Variants in FAM185A observed in about 807,000 individuals in gnomAD.
FAM185A encodes protein FAM185A.
In FAM185A, 21 loss-of-function variants were observed where a neutral mutation model predicts 45.7. That is an observed-to-expected ratio of 0.46 (90% confidence interval 0.33 to 0.66). The LOEUF (loss-of-function observed/expected upper bound fraction) is 0.66. Ranked by LOEUF, FAM185A falls within the 30% of genes least tolerant of loss-of-function variation. FAM185A has a pLI of 0.03. For synonymous variants in FAM185A, 117 were observed against 194.0 expected (o/e 0.60, Z 3.30); for missense variants, 305 against 485.4 (o/e 0.63, Z 3.49).
the FAM185A span, chr7:102,832,785 T>C: frequency 1.2e-6 from 2 of 1,605,848 alleles, no homozygotes; most frequent in Non-Finnish European, 1.7e-6. Flanking sequence ...TGTCCTGCCT[T>C]GTCCCTTGGC....
chr7:102,757,201 A>C (rs1041092164), intron 2 of FAM185A, among the ~76,000 whole-genome samples: 13 of 150,798 alleles, frequency 8.6e-5, no homozygotes, highest in African/African-American at 3.2e-4. Context: ...TAGAAGGTTT[A>C]AGTGGGCTGT....
chr7:102,757,685 A>AT (rs941611787), intron 2 of FAM185A, among the ~76,000 whole-genome samples, 169 bp from the exon 3 acceptor site: 12 of 152,040 alleles, frequency 7.9e-5, no homozygotes, highest in African/African-American at 2.2e-4. Flanking sequence ...AGCAGTTGAC[A>AT]TTTTTTTCCA....
intron 7 of FAM185A, among the ~76,000 whole-genome samples, chr7:102,794,002 T>C (rs1382814774): frequency 2.3e-5 from 3 of 130,884 alleles, no homozygotes; most frequent in African/African-American, 9.0e-5. Flanking sequence ...ATCGTGCCAC[T>C]GGACTCCAGC....
intron 3 of FAM185A, among the ~76,000 whole-genome samples, chr7:102,758,334 G>A (rs1254311813): frequency 4.7e-5 from 7 of 149,264 alleles, no homozygotes; most frequent in Non-Finnish European, 1.0e-4. Context: ...TTTTTACTTC[G>A]CCCTTAGGCA....
rs183131703 is a variant in FAM185A, at chr7:102,787,729, C to A, written c.1066+260C>A. ...TTGATTTTTAAATTTTCTAGAAGAG[C>A]TGTTTTCTAATTCTCGAACTTAAAA... is the stretch of plus-strand genomic sequence containing the variant. On this transcript the variant is annotated intron_variant, in intron 7 of 7. Transcript: ENST00000413034. Among the ~76,000 whole-genome samples, 349 of 152,288 alleles carry A rather than the reference C, an allele frequency of 2.3e-3. 2 individuals are homozygous for A. Among genetic ancestry groups the A allele is most frequent in the African/African-American group, 7.7e-3 (321 of 41,554 alleles).
At chr7:102,767,373 A>G (rs1030094317) in intron 4 of FAM185A, among the ~76,000 whole-genome samples, 4 of 151,356 alleles carry the variant, frequency 2.6e-5, no homozygotes, top group African/African-American at 7.3e-5. Flanking sequence ...CTGCCCATAG[A>G]TCTTTGGACA....
the FAM185A span, among the ~76,000 whole-genome samples, chr7:102,830,979 C>A: frequency 6.6e-6 from 1 of 152,094 alleles, no homozygotes; most frequent in East Asian, 1.9e-4. Context: ...AAAAACTAAT[C>A]GGAAGGTCAG....
At chr7:102,828,222 A>G in the FAM185A span, among the ~76,000 whole-genome samples, 20 of 152,094 alleles carry the variant, frequency 1.3e-4, no homozygotes, top group African/African-American at 4.6e-4. Context: ...TGAGCATGGA[A>G]TGTTCTTCCA....
At position 102,751,769 on chromosome 7, in the gene FAM185A, G is replaced by C. The variant is rs1320821846; in HGVS notation, c.529G>C (p.Glu177Gln). 3 of 1,551,474 alleles carry C rather than the reference G, an allele frequency of 1.9e-6. No homozygotes were observed. The highest frequency in any genetic ancestry group is 1.2e-5 in the South Asian group (1 of 84,008). ...GGGTGATAATTGCAAAATTGAAACAGAGCATGGGACTAGTATCTTGCAGTC... is the reference window on the plus strand; with the variant it reads ...GGGTGATAATTGCAAAATTGAAACACAGCATGGGACTAGTATCTTGCAGTC... ...IEGDNCKIET[E>Q]HGTSILQSVK... Residue 177 changes from glutamate to glutamine, a missense_variant, in exon 2 of 8, where the codon GAG becomes CAG. Transcript: ENST00000413034.
the FAM185A span, among the ~76,000 whole-genome samples, chr7:102,825,619 C>T: frequency 1.3e-5 from 2 of 152,322 alleles, no homozygotes; most frequent in East Asian, 3.9e-4. Flanking sequence ...CGAATTTTCA[C>T]ATTGCTTCAC....
chr7:102,793,042 A>G (rs1339440533), intron 7 of FAM185A, among the ~76,000 whole-genome samples: 1 of 152,252 alleles, frequency 6.6e-6, no homozygotes. Context: ...AGCTTAGAGC[A>G]CATGAATTTG....
chr7:102,795,274 T>C (rs1450961047), intron 7 of FAM185A, among the ~76,000 whole-genome samples: 1 of 152,236 alleles, frequency 6.6e-6, no homozygotes, highest in Non-Finnish European at 1.5e-5. Context: ...TTAGGGGAAC[T>C]GAGTGATGGG....
At chr7:102,828,455 G>T in the FAM185A span, among the ~76,000 whole-genome samples, 1 of 152,148 alleles carries the variant, frequency 6.6e-6, no homozygotes. Flanking sequence ...TTAGCCAGCT[G>T]CACTAAGAAA....
the FAM185A span, among the ~76,000 whole-genome samples, chr7:102,830,753 CA>C: frequency 6.6e-6 from 1 of 152,116 alleles, no homozygotes; most frequent in African/African-American, 2.4e-5. Context: ...CTGTAGTAAA[CA>C]AAAGCCTTCA....
At chr7:102,836,725 A>G in the FAM185A span, among the ~76,000 whole-genome samples, 3 of 152,218 alleles carry the variant, frequency 2.0e-5, no homozygotes, top group Middle Eastern at 3.2e-3. Context: ...GTCACAGTGT[A>G]GGCACTTAAT....
chr7:102,775,514 G>A (rs1196646678), intron 5 of FAM185A, among the ~76,000 whole-genome samples: 2 of 152,100 alleles, frequency 1.3e-5, no homozygotes, highest in Non-Finnish European at 2.9e-5. Flanking sequence ...TCCAAGGGAT[G>A]AGCCATCATT....
chr7:102,754,356 A>G (rs549436115), intron 2 of FAM185A, among the ~76,000 whole-genome samples: 81 of 152,290 alleles, frequency 5.3e-4, no homozygotes, highest in African/African-American at 1.9e-3. Flanking sequence ...ACCCGCTATC[A>G]TGCTCGGCTA....
At chr7:102,784,816 T>C (rs977743794) in intron 6 of FAM185A, among the ~76,000 whole-genome samples, 1 of 152,218 alleles carries the variant, frequency 6.6e-6, no homozygotes, top group Admixed American at 6.5e-5. Context: ...CAACATAGTG[T>C]TGGAAGTTCT....
chr7:102,783,064 TA>T (rs1051255388), intron 6 of FAM185A, among the ~76,000 whole-genome samples: 56 of 152,116 alleles, frequency 3.7e-4, no homozygotes, highest in African/African-American at 1.2e-3. Context: ...GGCCATTACA[TA>T]ATGGTAAAGG....
Sources: allele counts gnomAD v4.1 joint callset (sites outside exome capture counted in the v4.1 genomes callset), GRCh38; gene constraint gnomAD v4.1.1; transcripts MANE v1.5; gene names NCBI Gene and HGNC (gene_info 2026-07-23, HGNC 2026-07-21).